DOCK3: variants seen among roughly 807,000 people sequenced by gnomAD.
DOCK3 encodes the protein dedicator of cytokinesis 3.
In DOCK3, 60 loss-of-function variants were observed where a neutral mutation model predicts 265.6. That is an observed-to-expected ratio of 0.23 (90% CI 0.18 to 0.28). The LOEUF (loss-of-function observed/expected upper bound fraction) is 0.28. Among genes scored for constraint, DOCK3 ranks in the 10% least tolerant of loss-of-function variants. The pLI, the probability that DOCK3 is intolerant of heterozygous loss-of-function variation, is 1.00. For synonymous variants in DOCK3, 881 were observed against 938.0 expected (o/e 0.94, Z 1.11); for missense variants, 1,981 against 2,594.3 (o/e 0.76, Z 5.14).
chr3:51,323,421 T>C (rs1156951877), intron 32 of DOCK3, among the ~76,000 whole-genome samples: 1 of 152,140 alleles, frequency 6.6e-6, no homozygotes, highest in East Asian at 1.9e-4. Context: ...CAGCACCACA[T>C]TGCACATATT....
intron 1 of DOCK3, among the ~76,000 whole-genome samples, chr3:50,740,241 A>C (rs1476278809): frequency 5.3e-5 from 8 of 152,166 alleles, no homozygotes; most frequent in African/African-American, 1.4e-4. Context: ...TTGTGTGAAC[A>C]TACCAAAATT....
intron 9 of DOCK3, among the ~76,000 whole-genome samples, chr3:51,122,529 A>G (rs2084073819): frequency 6.6e-6 from 1 of 152,252 alleles, no homozygotes; most frequent in Non-Finnish European, 1.5e-5. Flanking sequence ...CAATTGTTAT[A>G]TGTCTTAAAT....
At position 51,264,784 on chromosome 3, in the gene DOCK3, G is replaced by A. The variant is rs1057288495; in HGVS notation, c.2355+4458G>A. Among the ~76,000 whole-genome samples, 12 of 151,404 alleles carry A rather than the reference G, an allele frequency of 7.9e-5. No individual in the cohort carries two copies. The Middle Eastern group carries it at 0.01, about 129-fold the overall frequency. On this transcript the variant is annotated intron_variant, in intron 23 of 52. Transcript: ENST00000266037. ...GGGGCTTGCAGTGAGCCAAGATCGCGCCACCACACTCCAGCCTGGGTGACA... is the reference window on the plus strand; with the variant it reads ...GGGGCTTGCAGTGAGCCAAGATCGCACCACCACACTCCAGCCTGGGTGACA...
chr3:50,976,544 A>C (rs1412062925), intron 5 of DOCK3, among the ~76,000 whole-genome samples: 1 of 129,682 alleles, frequency 7.7e-6, no homozygotes. Flanking sequence ...ACATTTGCTG[A>C]GGAGAGCTTT....
chr3:50,810,937 G>C lies in DOCK3; in HGVS notation c.122-30738G>C, dbSNP rs184146414. On this transcript the variant is annotated intron_variant, in intron 2 of 52. Transcript: ENST00000266037. The stretch of plus-strand genomic sequence containing the variant: ...TTTGTCAAAGCTCATTGTACTGTAT[G>C]TTCATGATCTGTATTTTTTACTATA... Among the ~76,000 whole-genome samples the C allele has an allele frequency of 3.3e-5, 5 of 152,284 alleles. No individual in the cohort carries two copies. In the East Asian group the frequency reaches 5.8e-4, roughly 18 times the overall value.
intron 15 of DOCK3, among the ~76,000 whole-genome samples, 178 bp downstream of exon 15, chr3:51,225,951 A>G (rs1417286626): frequency 6.6e-6 from 1 of 152,162 alleles, no homozygotes; most frequent in African/African-American, 2.4e-5. Context: ...GACTTCCAGT[A>G]TTGTACAGCC....
intron 10 of DOCK3, among the ~76,000 whole-genome samples, chr3:51,158,927 T>C (rs941165223): frequency 6.6e-6 from 1 of 152,230 alleles, no homozygotes; most frequent in African/African-American, 2.4e-5. Context: ...AGAATGTTTT[T>C]ATATGATGTT....
intron 3 of DOCK3, among the ~76,000 whole-genome samples, chr3:50,871,427 C>T (rs1171653457): frequency 1.3e-4 from 20 of 151,314 alleles, no homozygotes. Context: ...CTTCTTTTCT[C>T]CTGCTGCTTT....
intron 1 of DOCK3, among the ~76,000 whole-genome samples, chr3:50,684,203 C>G (rs2034623332): frequency 6.6e-6 from 1 of 152,012 alleles, no homozygotes; most frequent in Non-Finnish European, 1.5e-5. Flanking sequence ...CAGTTGGTAC[C>G]AACCTCTAGT....
intron 18 of DOCK3, 49 bp from the exon 19 acceptor site, chr3:51,229,463 A>AG (rs746371049): frequency 3.2e-5 from 43 of 1,353,000 alleles, no homozygotes; most frequent in Non-Finnish European, 4.1e-5. Flanking sequence ...AAAAAAAAAA[A>AG]GAATATCCAG....
At chr3:50,995,354 TA>T (rs2078242800) in intron 5 of DOCK3, among the ~76,000 whole-genome samples, 1 of 152,224 alleles carries the variant, frequency 6.6e-6, no homozygotes, top group Non-Finnish European at 1.5e-5. Context: ...AAAGTCTATT[TA>T]ATATTTAATG....
intron 27 of DOCK3, among the ~76,000 whole-genome samples, chr3:51,286,666 A>G (rs1035606505): frequency 3.4e-4 from 51 of 152,202 alleles, no homozygotes; most frequent in Non-Finnish European, 1.3e-4. Context: ...ATAAAGCTTC[A>G]TACCTACAAC....
chr3:51,131,838 A>C (rs937912837), intron 9 of DOCK3, among the ~76,000 whole-genome samples: 1 of 152,166 alleles, frequency 6.6e-6, no homozygotes, highest in Non-Finnish European at 1.5e-5. Context: ...TTTGTAGTTG[A>C]GTGACTGTGG....
At chr3:51,288,728 A>G (rs2081557132) in intron 27 of DOCK3, among the ~76,000 whole-genome samples, 1 of 152,226 alleles carries the variant, frequency 6.6e-6, no homozygotes, top group African/African-American at 2.4e-5. Flanking sequence ...AGTTTGAAAG[A>G]AAAGGAGCAG....
At chr3:50,867,717 ATGATGTATCACAT>A (rs2047215577) in intron 3 of DOCK3, among the ~76,000 whole-genome samples, 1 of 151,878 alleles carries the variant, frequency 6.6e-6, no homozygotes, top group Admixed American at 6.6e-5. Flanking sequence ...TCTGTTGATA[ATGATGTATCACAT>A]TGATTTGTGT....
At chr3:51,249,131 G>GC (rs2079015917) in intron 22 of DOCK3, among the ~76,000 whole-genome samples, 1 of 142,102 alleles carries the variant, frequency 7.0e-6, no homozygotes, top group Non-Finnish European at 1.5e-5. Flanking sequence ...CAGGCCAGCC[G>GC]CCCCGTCCGG....
intron 12 of DOCK3, among the ~76,000 whole-genome samples, chr3:51,181,398 T>C (rs1388852388): frequency 1.3e-5 from 2 of 151,216 alleles, no homozygotes; most frequent in African/African-American, 4.9e-5. Context: ...TTTGGTTTTT[T>C]GTTCTTGCGA....
chr3:51,288,885 GGTGTGTGTGTGTGTGTGGGTGTGTGT>G (rs1295242737), intron 27 of DOCK3, among the ~76,000 whole-genome samples: 7 of 146,972 alleles, frequency 4.8e-5, no homozygotes, highest in Non-Finnish European at 9.0e-5. Context: ...TGTTTGTGTG[GGTGTGTGTGTGTGTGTGGGTGTGTGT>G]GTGTGTGTGT....
At chr3:51,360,739 C>A in intron 47 of DOCK3, 107 bp downstream of exon 47, 1 of 1,457,614 alleles carries the variant, frequency 6.9e-7, no homozygotes, top group Non-Finnish European at 9.2e-7. Flanking sequence ...CTTACCCATG[C>A]ACACAGCAAA....
Sources: gnomAD v4.1 joint callset for allele counts (sites outside exome capture counted in the v4.1 genomes callset) on GRCh38, gnomAD v4.1.1 for gene constraint, MANE v1.5 for transcripts, NCBI Gene and HGNC (gene_info 2026-07-23, HGNC 2026-07-21) for gene names.